PLXNA4: variants seen among roughly 807,000 people sequenced by gnomAD.
The protein encoded by PLXNA4 is plexin A4.
In PLXNA4, 44 loss-of-function variants were observed where a neutral mutation model predicts 191.8. The ratio of observed to expected loss-of-function variants is 0.23; its 90% CI spans 0.18 to 0.29. The LOEUF (loss-of-function observed/expected upper bound fraction) is 0.29. PLXNA4 is among the 10% of genes least tolerant of loss of function. The probability of loss-of-function intolerance (pLI) is 1.00; values close to 1 mark genes in which losing one functional copy is unlikely to be tolerated. For missense variants in PLXNA4, 1,800 were observed against 2,488.8 expected, an observed-to-expected ratio of 0.72 and a Z score of 5.89; for synonymous variants, 1,082 against 1,009.5, an observed-to-expected ratio of 1.07 and a Z score of -1.36.
At chr7:132,645,704 A>G (rs144041360) in intron 2 of PLXNA4, among the ~76,000 whole-genome samples, 1 of 152,302 alleles carries the variant, frequency 6.6e-6, no homozygotes, top group East Asian at 1.9e-4. Context: ...CTAGGACCCA[A>G]TTCCCAAGCT....
At chr7:132,635,170 T>TTATTTATATATA (rs1470708373) in intron 2 of PLXNA4, among the ~76,000 whole-genome samples, 4 of 131,814 alleles carry the variant, frequency 3.0e-5, no homozygotes, top group African/African-American at 5.7e-5. Flanking sequence ...AAACTCCCCT[T>TTATTTATATATA]TATATATATA....
intron 1 of PLXNA4, among the ~76,000 whole-genome samples, chr7:132,539,863 C>T (rs554901263): frequency 1.3e-5 from 2 of 152,326 alleles, no homozygotes; most frequent in South Asian, 2.1e-4. Context: ...TGAAAGGAAT[C>T]GTTCAAGGTC....
intron 3 of PLXNA4, among the ~76,000 whole-genome samples, chr7:132,387,682 C>T (rs540560814): frequency 2.6e-5 from 4 of 152,230 alleles, no homozygotes; most frequent in African/African-American, 7.2e-5. Flanking sequence ...GGGCATTGCA[C>T]CAGGATGAAG....
intron 4 of PLXNA4, among the ~76,000 whole-genome samples, chr7:132,243,048 G>A (rs567751288): frequency 2.0e-5 from 3 of 152,274 alleles, no homozygotes; most frequent in East Asian, 1.9e-4. Flanking sequence ...AAAGCCTAAT[G>A]GCAATTGAAC....
intron 1 of PLXNA4, among the ~76,000 whole-genome samples, chr7:132,541,644 C>T (rs1800092204): frequency 6.6e-6 from 1 of 152,254 alleles, no homozygotes; most frequent in Admixed American, 6.5e-5. Context: ...ACAACTTCTC[C>T]ATAAATACCT....
At chr7:132,472,842 TG>T (rs1446582114) in intron 3 of PLXNA4, among the ~76,000 whole-genome samples, 1 of 152,140 alleles carries the variant, frequency 6.6e-6, no homozygotes, top group Non-Finnish European at 1.5e-5. Flanking sequence ...GGGAACAGGC[TG>T]GGGGGTCTGG....
At chr7:132,375,957 T>C (rs978674784) in intron 3 of PLXNA4, among the ~76,000 whole-genome samples, 4 of 152,164 alleles carry the variant, frequency 2.6e-5, no homozygotes, top group African/African-American at 4.8e-5. Flanking sequence ...CAGTCCCTTA[T>C]GTGAACAGAA....
chr7:132,361,000 T>C lies in PLXNA4; in HGVS notation c.1372-62778A>G, dbSNP rs9969337. Among the ~76,000 whole-genome samples the C allele has an allele frequency of 5.4e-3, 827 of 152,310 alleles. 6 individuals are homozygous for C. The highest frequency in any genetic ancestry group is 0.019 in the African/African-American group (806 of 41,566). On this transcript the variant is annotated intron_variant, in intron 3 of 31. Transcript: ENST00000321063. ...AATGGAGCAAAGAGATGAGTAAAATTGATTGTATTACTTCCAGCTGCCTGA... is the reference window on the plus strand; with the variant it reads ...AATGGAGCAAAGAGATGAGTAAAATCGATTGTATTACTTCCAGCTGCCTGA...
In PLXNA4 at chr7:132,226,204, C is replaced by G; in HGVS notation, c.1939G>C (p.Ala647Pro). Residue 647 changes from alanine to proline, a missense_variant, in exon 8 of 32, where the codon GCC becomes CCC. Ala to Pro is a conservative substitution (Grantham distance 27). Coordinates refer to ENST00000321063, the MANE Select transcript of PLXNA4 (RefSeq NM_020911.2). ...TTGTAGAAGACAAAGCTGGTGCTGGCGAAGGTCATGCCGGTCTCCTTTGAT... is the reference window on the plus strand; with the variant it reads ...TTGTAGAAGACAAAGCTGGTGCTGGGGAAGGTCATGCCGGTCTCCTTTGAT... ...LKSKETGMTF[A>P]STSFVFYNCS... is the part of the protein sequence containing the mutation. The G allele has an allele frequency of 6.2e-7, 1 of 1,613,886 alleles. No individual in the cohort carries two copies. The highest frequency in any genetic ancestry group is 2.2e-5 in the East Asian group (1 of 44,862).
intron 4 of PLXNA4, among the ~76,000 whole-genome samples, chr7:132,252,969 ATGTT>A (rs958675200): frequency 1.3e-5 from 2 of 152,214 alleles, no homozygotes; most frequent in East Asian, 1.9e-4. Context: ...TTAAGACTCA[ATGTT>A]TGTTTTCAAA....
intron 3 of PLXNA4, chr7:132,484,766 C>T: frequency 1.2e-6 from 2 of 1,609,204 alleles, no homozygotes; most frequent in Non-Finnish European, 1.7e-6. Flanking sequence ...GCTTTCTGTG[C>T]TATGAATATT....
intron 2 of PLXNA4, among the ~76,000 whole-genome samples, chr7:132,617,099 G>A (rs1190434384): frequency 1.4e-5 from 2 of 147,098 alleles, no homozygotes; most frequent in African/African-American, 2.4e-5. Context: ...TTAAGATATG[G>A]GGGGTTTCGT....
At chr7:132,400,514 A>C (rs932732016) in intron 3 of PLXNA4, among the ~76,000 whole-genome samples, 2 of 151,970 alleles carry the variant, frequency 1.3e-5, no homozygotes, top group African/African-American at 4.8e-5. Flanking sequence ...CAGCAGACAA[A>C]ATCTGTGACA....
At chr7:132,170,669 G>C (rs1222345176) in intron 21 of PLXNA4, among the ~76,000 whole-genome samples, 3 of 152,206 alleles carry the variant, frequency 2.0e-5, no homozygotes, top group Non-Finnish European at 2.9e-5. Flanking sequence ...GTTCAACCAG[G>C]AGGCCAGCCC....
At chr7:132,190,364 C>T (rs970081900) in intron 14 of PLXNA4, among the ~76,000 whole-genome samples, 2 of 152,216 alleles carry the variant, frequency 1.3e-5, no homozygotes, top group African/African-American at 2.4e-5. Context: ...CACACAGGCT[C>T]ATTATAAGAA....
intron 1 of PLXNA4, among the ~76,000 whole-genome samples, chr7:132,562,465 CT>C (rs1801239349): frequency 1.6e-5 from 2 of 127,664 alleles, no homozygotes; most frequent in African/African-American, 3.2e-5. Flanking sequence ...TCTCCTCCTC[CT>C]CCTTTCTCCT....
At chr7:132,587,908 T>C (rs562121244) in intron 2 of PLXNA4, among the ~76,000 whole-genome samples, 115 of 151,856 alleles carry the variant, frequency 7.6e-4, no homozygotes, top group Non-Finnish European at 1.5e-3. Flanking sequence ...TTTATTTATT[T>C]TTCTCTTTGG....
chr7:132,327,049 A>AGAAGAAAGGAGGGAGGGTAG lies in PLXNA4; in HGVS notation c.1372-28828_1372-28827insCTACCCTCCCTCCTTTCTTC, dbSNP rs753435317. ...AGGAAGGAAGAAAAGAGGGAGGGAG[A>AGAAGAAAGGAGGGAGGGTAG]GAAGAAAGGAGGGAGGGAGAGAAGA... On this transcript the variant is annotated intron_variant, in intron 3 of 31. Coordinates refer to ENST00000321063, the MANE Select transcript of PLXNA4 (RefSeq NM_020911.2). 5.5e-5 allele frequency among the ~76,000 whole-genome samples: 7 copies of AGAAGAAAGGAGGGAGGGTAG among 127,158 alleles called. No homozygotes were observed. In the East Asian group the frequency reaches 1.2e-3, roughly 21 times the overall value. 83.4% of individuals were successfully genotyped at this position (127,158 alleles called of 152,430 possible).
At chr7:132,169,289 TTGTC>T (rs1415387357) in intron 21 of PLXNA4, among the ~76,000 whole-genome samples, 1 of 152,230 alleles carries the variant, frequency 6.6e-6, no homozygotes, top group African/African-American at 2.4e-5. Flanking sequence ...TCTGCCTCCA[TTGTC>T]TGTTCATTGG....
Sources: gnomAD v4.1 joint callset for allele counts (sites outside exome capture counted in the v4.1 genomes callset) on GRCh38, gnomAD v4.1.1 for gene constraint, MANE v1.5 for transcripts, NCBI Gene and HGNC (gene_info 2026-07-23, HGNC 2026-07-21) for gene names.